Variants in CCDC93 observed in about 807,000 individuals in gnomAD.
The protein encoded by CCDC93 is coiled-coil domain-containing protein 93.
In CCDC93, 61 loss-of-function variants were observed where a neutral mutation model predicts 108.2. That is an observed-to-expected ratio of 0.56 (90% CI 0.46 to 0.70). The LOEUF (loss-of-function observed/expected upper bound fraction) is 0.70. Ranked by LOEUF, CCDC93 falls within the 30% of genes least tolerant of loss-of-function variation. The pLI is 0.00. For synonymous variants in CCDC93, 276 were observed against 260.4 expected (o/e 1.06, Z -0.58); for missense variants, 685 against 764.2 (o/e 0.90, Z 1.22).
At chr2:117,978,794 C>T (rs114558609) in intron 7 of CCDC93, among the ~76,000 whole-genome samples, 8,624 of 152,092 alleles carry the variant, frequency 0.057, 296 homozygotes, top group Non-Finnish European at 0.082. Context: ...TATCACCTGA[C>T]GTCAGGAATT....
rs115494606 is a variant in CCDC93 at position 117,958,668 on chromosome 2, T to C, written c.889-187A>G. On this transcript the variant is annotated intron_variant, in intron 11 of 23. Coordinates refer to ENST00000376300, the MANE Select transcript of CCDC93 (RefSeq NM_019044.5). ...TCTGACACAATGACCAAAATCCCTA[T>C]CAACAGAACCTGCATTCTGGGCTGA... is the stretch of plus-strand genomic sequence containing the variant. Among the ~76,000 whole-genome samples, 850 of 152,208 alleles carry C rather than the reference T, an allele frequency of 5.6e-3. 8 individuals are homozygous for C. The highest frequency in any genetic ancestry group is 0.02 in the African/African-American group (812 of 41,536).
At chr2:117,995,077 A>C (rs1680602921) in intron 6 of CCDC93, among the ~76,000 whole-genome samples, 1 of 152,202 alleles carries the variant, frequency 6.6e-6, no homozygotes, top group Admixed American at 6.5e-5. Flanking sequence ...CTGTCTATGC[A>C]AAGCCATCAA....
At chr2:117,931,436 GC>G (rs1342653321) in intron 22 of CCDC93, 9 of 308,870 alleles carry the variant, frequency 2.9e-5, no homozygotes, top group East Asian at 8.3e-5. Flanking sequence ...GAGCTATTTT[GC>G]CCCCCATCCC....
intron 20 of CCDC93, among the ~76,000 whole-genome samples, chr2:117,937,598 A>AT (rs1678564555): frequency 1.3e-5 from 2 of 152,220 alleles, no homozygotes; most frequent in East Asian, 3.8e-4. Flanking sequence ...GCCTCGCAAT[A>AT]TTCCTAGTTT....
At position 117,920,114 on chromosome 2, in the gene CCDC93, C is replaced by G. The variant is rs1469471735; in HGVS notation, c.*229G>C. 2.0e-5 allele frequency: 9 copies of G among 441,042 alleles called. No homozygotes were observed. In the East Asian group the frequency reaches 3.0e-4, roughly 15 times the overall value. 27.3% of individuals were successfully genotyped at this position (441,042 alleles called of 1,614,324 possible). A position where few individuals can be genotyped will look rare whatever the true frequency, so the allele number is the denominator to read the frequency against. On this transcript the variant is annotated 3_prime_UTR_variant, in exon 24 of 24. Transcript: ENST00000376300. ...ACAGAGAACAAGTACTCCCTATATTCTTCATAGGATGATGGGTGTTATCCA... is the reference window on the plus strand; with the variant it reads ...ACAGAGAACAAGTACTCCCTATATTGTTCATAGGATGATGGGTGTTATCCA...
chr2:117,937,894 C>G (rs1312116033), intron 20 of CCDC93, among the ~76,000 whole-genome samples: 1 of 152,062 alleles, frequency 6.6e-6, no homozygotes, highest in Non-Finnish European at 1.5e-5. Context: ...CAAGGAGCAC[C>G]CTCTAGGATG....
intron 1 of CCDC93, among the ~76,000 whole-genome samples, chr2:118,011,374 G>A (rs999684749): frequency 2.0e-5 from 3 of 152,166 alleles, no homozygotes; most frequent in African/African-American, 7.2e-5. Flanking sequence ...CCCTGGTCCA[G>A]TCCATTAAGG....
intron 12 of CCDC93, among the ~76,000 whole-genome samples, chr2:117,955,606 A>ATG (rs1679192797): frequency 1.3e-5 from 2 of 152,224 alleles, no homozygotes; most frequent in African/African-American, 4.8e-5. Context: ...CTATGTGACT[A>ATG]CAGACAGCCT....
intron 23 of CCDC93, among the ~76,000 whole-genome samples, chr2:117,922,621 T>C (rs1334610601): frequency 6.6e-6 from 1 of 152,122 alleles, no homozygotes; most frequent in African/African-American, 2.4e-5. Flanking sequence ...CAAAAAACCA[T>C]ATGGTAGACA....
At chr2:118,007,172 G>C (rs945553223) in intron 2 of CCDC93, among the ~76,000 whole-genome samples, 9 of 152,208 alleles carry the variant, frequency 5.9e-5, no homozygotes, top group Non-Finnish European at 1.3e-4. Context: ...ATAGTCAAAA[G>C]GACAGACATT....
chr2:118,013,932 G>C (rs377554922), intron 1 of CCDC93, 22 bp downstream of exon 1: 111 of 1,564,766 alleles, frequency 7.1e-5, no homozygotes, highest in Non-Finnish European at 9.2e-5. Flanking sequence ...CGACGTGTCA[G>C]GGAAGGAGGA....
chr2:117,991,414 A>G (rs1232968042), intron 6 of CCDC93, among the ~76,000 whole-genome samples: 2 of 152,326 alleles, frequency 1.3e-5, no homozygotes, highest in Non-Finnish European at 2.9e-5. Flanking sequence ...GGTGCTAGGA[A>G]TATGTGGGAA....
At position 117,919,646 on chromosome 2, in the gene CCDC93, C is replaced by T. The variant is rs1258608698; in HGVS notation, c.*697G>A. ...GTGTCCTCAGCACAAGGTCTGTTTT[C>T]AATTTTCTGAGAAATCAACTTGAGT... On this transcript the variant is annotated 3_prime_UTR_variant, in exon 24 of 24. Transcript: ENST00000376300. 6.6e-6 allele frequency: 1 copy of T among 152,140 alleles called. No individual in the cohort carries two copies. The highest frequency in any genetic ancestry group is 2.4e-5 in the African/African-American group (1 of 41,428). The allele number at this position is 152,140 out of a possible 1,614,324, so 9.4% of individuals were successfully genotyped here. A position where few individuals can be genotyped will look rare whatever the true frequency, so the allele number is the denominator to read the frequency against.
intron 8 of CCDC93, 100 bp downstream of exon 8, chr2:117,977,894 T>TC (rs1344604075): frequency 8.9e-7 from 1 of 1,123,480 alleles, no homozygotes. Flanking sequence ...TCCCTGGGTT[T>TC]CCCAAGAAGC....
chr2:117,974,004 T>C lies in CCDC93; in HGVS notation c.802-10A>G, dbSNP rs201111956. On this transcript the variant is annotated splice_polypyrimidine_tract_variant and intron_variant, in intron 10 of 23. Transcript: ENST00000376300. ...TTGCGGTGAGACGGCTCTGCAAGTA[T>C]ATGGAGGGAATGTTCTCAAGGCCAA... 3.0e-5 allele frequency: 48 copies of C among 1,584,852 alleles called. No individual in the cohort carries two copies. The Middle Eastern group carries it at 2.7e-3, about 88-fold the overall frequency.
At chr2:117,949,936 G>T in intron 13 of CCDC93, 1 of 985,318 alleles carries the variant, frequency 1.0e-6, no homozygotes, top group Non-Finnish European at 1.2e-6. Context: ...TGCAGTGTTG[G>T]GGATCTGCAT....
intron 23 of CCDC93, among the ~76,000 whole-genome samples, chr2:117,923,986 T>G (rs1300734288): frequency 6.6e-6 from 1 of 152,220 alleles, no homozygotes; most frequent in African/African-American, 2.4e-5. Flanking sequence ...TCCGCTGTTC[T>G]GCAGCCTCTG....
At chr2:117,968,056 T>A (rs1179201199) in intron 11 of CCDC93, among the ~76,000 whole-genome samples, 1 of 152,126 alleles carries the variant, frequency 6.6e-6, no homozygotes, top group Non-Finnish European at 1.5e-5. Flanking sequence ...AATATTCAGA[T>A]CCTTTAGAGC....
At chr2:118,003,284 T>G (rs1025180750) in intron 3 of CCDC93, among the ~76,000 whole-genome samples, 6 of 152,226 alleles carry the variant, frequency 3.9e-5, no homozygotes, top group African/African-American at 1.4e-4. Context: ...GGTTCTCTGT[T>G]AAGCTTTTTT....
Sources: allele counts gnomAD v4.1 joint callset (sites outside exome capture counted in the v4.1 genomes callset), GRCh38; gene constraint gnomAD v4.1.1; transcripts MANE v1.5; gene names NCBI Gene and HGNC (gene_info 2026-07-23, HGNC 2026-07-21).